SDK1: variants seen among roughly 807,000 people sequenced by gnomAD.
SDK1 encodes the protein protein sidekick-1.
In SDK1, 157 loss-of-function variants were observed where a neutral mutation model predicts 245.5. The observed-to-expected ratio is 0.64, with a 90% CI of 0.56 to 0.73. The LOEUF (loss-of-function observed/expected upper bound fraction) is 0.73, where lower values mean the gene tolerates loss of function less well. SDK1 is among the 30% of genes least tolerant of loss of function. SDK1 has a pLI of 0.00. For synonymous variants in SDK1, 1,647 were observed against 1,278.5 expected, an observed-to-expected ratio of 1.29 and a Z score of -6.15; for missense variants, 3,583 against 3,002.3, an observed-to-expected ratio of 1.19 and a Z score of -4.52.
chr7:3,904,905 A>G (rs1417472185), intron 5 of SDK1, among the ~76,000 whole-genome samples: 2 of 151,954 alleles, frequency 1.3e-5, no homozygotes, highest in East Asian at 3.9e-4. Context: ...AGGCAGGAGA[A>G]TGGCGTGAAC....
At chr7:3,410,531 A>G (rs1444664357) in intron 1 of SDK1, among the ~76,000 whole-genome samples, 2 of 146,950 alleles carry the variant, frequency 1.4e-5, no homozygotes, top group Non-Finnish European at 3.0e-5. Context: ...CAATGTAACT[A>G]CTCTGCCAAA....
At chr7:3,847,070 C>G (rs1288628007) in intron 5 of SDK1, among the ~76,000 whole-genome samples, 1 of 150,110 alleles carries the variant, frequency 6.7e-6, no homozygotes, top group Non-Finnish European at 1.5e-5. Flanking sequence ...TTTTTTTTTG[C>G]TTTCCCATTA....
intron 22 of SDK1, among the ~76,000 whole-genome samples, chr7:4,109,380 T>C (rs889484612): frequency 1.3e-5 from 2 of 152,228 alleles, no homozygotes; most frequent in Non-Finnish European, 2.9e-5. Context: ...TCATTTTGAA[T>C]TCTCCTGCCA....
chr7:3,340,563 C>A (rs780985675), intron 1 of SDK1, among the ~76,000 whole-genome samples: 1 of 152,040 alleles, frequency 6.6e-6, no homozygotes, highest in Non-Finnish European at 1.5e-5. Context: ...GAGATCGAGA[C>A]CATCCTGGCT....
At chr7:3,548,120 T>C (rs1583152299) in intron 1 of SDK1, among the ~76,000 whole-genome samples, 2 of 152,148 alleles carry the variant, frequency 1.3e-5, no homozygotes, top group East Asian at 3.8e-4. Flanking sequence ...TTCCCACAAT[T>C]AAATCAGTAT....
chr7:4,251,518 A>G (rs1787295092), intron 44 of SDK1, among the ~76,000 whole-genome samples: 1 of 152,204 alleles, frequency 6.6e-6, no homozygotes, highest in African/African-American at 2.4e-5. Flanking sequence ...CTGCAACTGC[A>G]TTGTAGGTAC....
intron 4 of SDK1, among the ~76,000 whole-genome samples, chr7:3,719,683 T>A (rs1244394065): frequency 2.6e-5 from 4 of 152,146 alleles, no homozygotes; most frequent in African/African-American, 9.7e-5. Context: ...TGTAAAACTT[T>A]AAAACTTTTA....
chr7:3,740,388 C>A (rs773961627), intron 4 of SDK1, among the ~76,000 whole-genome samples: 8 of 152,102 alleles, frequency 5.3e-5, no homozygotes, highest in Non-Finnish European at 8.8e-5. Context: ...GGTTTTTGGT[C>A]TGTTGCTTGT....
intron 14 of SDK1, 115 bp downstream of exon 14, chr7:3,987,437 A>G (rs1783946581): frequency 9.1e-7 from 1 of 1,098,640 alleles, no homozygotes; most frequent in Non-Finnish European, 1.3e-6. Context: ...AAAATGCTGT[A>G]ATGCTTTACA....
chr7:4,069,170 C>G (rs1445714833), intron 20 of SDK1, among the ~76,000 whole-genome samples: 1 of 152,232 alleles, frequency 6.6e-6, no homozygotes, highest in East Asian at 1.9e-4. Flanking sequence ...GTTTTAGTCA[C>G]TCTAAGAGCC....
At chr7:4,244,378 C>G (rs902030478) in intron 43 of SDK1, among the ~76,000 whole-genome samples, 1 of 152,214 alleles carries the variant, frequency 6.6e-6, no homozygotes, top group African/African-American at 2.4e-5. Context: ...ACAGGCTGCT[C>G]TCACTATCGA....
At chr7:3,535,605 C>A (rs1359988927) in intron 1 of SDK1, among the ~76,000 whole-genome samples, 2 of 152,138 alleles carry the variant, frequency 1.3e-5, no homozygotes, top group East Asian at 3.9e-4. Flanking sequence ...ATAACATGGT[C>A]CCTTAGCATC....
At chr7:3,690,383 T>A (rs1277341238) in intron 4 of SDK1, among the ~76,000 whole-genome samples, 1 of 152,222 alleles carries the variant, frequency 6.6e-6, no homozygotes, top group Non-Finnish European at 1.5e-5. Context: ...GACAAAAGTA[T>A]AATAATTTAC....
chr7:3,489,940 G>C (rs1054942068), intron 1 of SDK1, among the ~76,000 whole-genome samples: 4 of 152,132 alleles, frequency 2.6e-5, no homozygotes, highest in African/African-American at 9.7e-5. Context: ...ACATAAAATA[G>C]TCAAAGGCTA....
At chr7:3,381,636 G>C (rs1264534747) in intron 1 of SDK1, among the ~76,000 whole-genome samples, 1 of 152,178 alleles carries the variant, frequency 6.6e-6, no homozygotes. Context: ...AAGGATCCTA[G>C]AAGGATTGTA....
intron 30 of SDK1, among the ~76,000 whole-genome samples, chr7:4,150,184 C>G (rs1301934688): frequency 6.6e-6 from 1 of 152,186 alleles, no homozygotes; most frequent in African/African-American, 2.4e-5. Context: ...AGTCCACACC[C>G]TCACCACATG....
In SDK1 at chr7:4,268,571, G is replaced by C. The variant is rs1475702310; in HGVS notation, c.*3187G>C. 3 of 1,343,328 alleles carry C rather than the reference G, an allele frequency of 2.2e-6. No individual in the cohort carries two copies. The African/African-American group carries it at 4.4e-5, about 20-fold the overall frequency. The allele number at this position is 1,343,328 out of a possible 1,614,324, so 83.2% of individuals were successfully genotyped here. ...CCCGGGAGGTGGCTCACTCTGTACA[G>C]GTCTTCGGAGGCCGTGTTTGTATCT... On this transcript the variant is annotated 3_prime_UTR_variant, in exon 45 of 45. Transcript: ENST00000404826.
At chr7:3,386,199 A>G (rs1387924597) in intron 1 of SDK1, among the ~76,000 whole-genome samples, 1 of 152,200 alleles carries the variant, frequency 6.6e-6, no homozygotes, top group East Asian at 1.9e-4. Flanking sequence ...CCAAATTATC[A>G]TAACTGATTG....
Position 4,203,156 on chromosome 7 carries a change from C to T in SDK1, c.5099-2723C>T, listed in dbSNP as rs541499836. Among the ~76,000 whole-genome samples, 22 of 152,360 alleles carry T rather than the reference C, an allele frequency of 1.4e-4. 1 individual carries two copies. Among genetic ancestry groups the T allele is most frequent in the African/African-American group, 5.1e-4 (21 of 41,584 alleles). ...AGGCCACGCCATAACCCGGCTCAGG[C>T]CCCAGCGCCCAGCCACGCAAGGCCA... On this transcript the variant is annotated intron_variant, in intron 35 of 44. Coordinates refer to ENST00000404826, the MANE Select transcript of SDK1 (RefSeq NM_152744.4).
Sources: allele counts gnomAD v4.1 joint callset (sites outside exome capture counted in the v4.1 genomes callset), GRCh38; gene constraint gnomAD v4.1.1; transcripts MANE v1.5; gene names NCBI Gene and HGNC (gene_info 2026-07-23, HGNC 2026-07-21).